The following RARB variants were observed in gnomAD, a reference collection of about 807,000 sequenced individuals.
The protein encoded by RARB is retinoic acid receptor beta.
RARB carries 17 observed loss-of-function variants against 51.9 expected under a neutral mutation model. The observed-to-expected ratio is 0.33, with a 90% CI of 0.22 to 0.49. The LOEUF is 0.49. RARB is among the 20% of genes least tolerant of loss of function. RARB has a pLI of 0.99. For synonymous variants in RARB, 215 were observed against 195.4 expected (o/e 1.10, Z -0.84); for missense variants, 369 against 550.8 (o/e 0.67, Z 3.30).
At chr3:25,205,340 A>G (rs1701511207) in intron 5 of RARB, among the ~76,000 whole-genome samples, 1 of 152,068 alleles carries the variant, frequency 6.6e-6, no homozygotes, top group Non-Finnish European at 1.5e-5. Flanking sequence ...TTCCTTGGCT[A>G]GGAAAGGGAA....
intron 5 of RARB, among the ~76,000 whole-genome samples, chr3:25,414,554 A>G (rs1018613210): frequency 1.3e-5 from 2 of 152,188 alleles, no homozygotes; most frequent in Admixed American, 6.5e-5. Context: ...TTTCTCCACA[A>G]TCACAGCAAT....
At chr3:25,230,951 G>GT (rs1442924031) in intron 5 of RARB, among the ~76,000 whole-genome samples, 3 of 151,976 alleles carry the variant, frequency 2.0e-5, no homozygotes, top group Admixed American at 1.3e-4. Context: ...TTCATTTTTT[G>GT]TTTTTTGTTA....
intron 2 of RARB, among the ~76,000 whole-genome samples, chr3:24,993,581 TC>T (rs1341876311): frequency 6.6e-6 from 1 of 152,152 alleles, no homozygotes; most frequent in African/African-American, 2.4e-5. Context: ...ACTATAGTCT[TC>T]TTACAGTGGT....
At chr3:25,361,178 G>A (rs370619201) in intron 5 of RARB, among the ~76,000 whole-genome samples, 36 of 151,888 alleles carry the variant, frequency 2.4e-4, no homozygotes, top group African/African-American at 6.3e-4. Context: ...TGTTCCTTCC[G>A]TTTCATTCTT....
At chr3:25,014,979 T>A (rs1017140715) in intron 2 of RARB, among the ~76,000 whole-genome samples, 2 of 152,316 alleles carry the variant, frequency 1.3e-5, no homozygotes, top group Non-Finnish European at 2.9e-5. Flanking sequence ...TTTTTGTATT[T>A]CTTTAACTGT....
At chr3:25,000,067 G>A (rs1040714535) in intron 2 of RARB, among the ~76,000 whole-genome samples, 3 of 152,030 alleles carry the variant, frequency 2.0e-5, no homozygotes, top group East Asian at 1.9e-4. Flanking sequence ...ACAGAGCTCC[G>A]GCTTCAATCA....
chr3:25,280,887 G>A (rs970593946), intron 5 of RARB, among the ~76,000 whole-genome samples: 4 of 152,030 alleles, frequency 2.6e-5, no homozygotes, highest in Non-Finnish European at 4.4e-5. Flanking sequence ...TCTTGGTCTC[G>A]GAGTGGGTTT....
chr3:24,994,650 T>C (rs74972630), intron 2 of RARB, among the ~76,000 whole-genome samples: 17,137 of 152,054 alleles, frequency 0.11, 2,744 homozygotes, highest in African/African-American at 0.35. Flanking sequence ...AGGTATTTGG[T>C]CTATTGTGAG....
chr3:24,897,951 G>A (rs1261334881), intron 2 of RARB, among the ~76,000 whole-genome samples: 1 of 152,160 alleles, frequency 6.6e-6, no homozygotes. Context: ...GCATCTCGTG[G>A]AAGTGGGAGA....
rs148768747 is a variant in RARB at position 25,197,022 on chromosome 3, G to C, written c.178+22447G>C. Among the ~76,000 whole-genome samples the C allele has an allele frequency of 6.9e-3, 1,049 of 152,186 alleles. 12 individuals are homozygous for C. Among genetic ancestry groups the C allele is most frequent in the Middle Eastern group, 0.02 (6 of 294 alleles). On this transcript the variant is annotated intron_variant, in intron 5 of 11. Transcript: ENST00000383772. ...TTTTCTCCCATTCTGTAGGTTGCCT[G>C]TTCACTCTCATGGTAGTTTCTTTTG...
At chr3:24,894,843 C>T (rs1445038150) in intron 2 of RARB, among the ~76,000 whole-genome samples, 1 of 151,948 alleles carries the variant, frequency 6.6e-6, no homozygotes, top group Non-Finnish European at 1.5e-5. Context: ...GACCATTATC[C>T]AATGTGAGCA....
chr3:25,517,821 T>G (rs894792531), intron 3 of RARB, among the ~76,000 whole-genome samples: 7 of 152,170 alleles, frequency 4.6e-5, no homozygotes, highest in African/African-American at 1.7e-4. Context: ...TAAAAAGGAA[T>G]GAAATATTGA....
intron 5 of RARB, among the ~76,000 whole-genome samples, chr3:25,252,605 C>T (rs1559332595): frequency 6.6e-6 from 1 of 152,094 alleles, no homozygotes; most frequent in Non-Finnish European, 1.5e-5. Flanking sequence ...GTTTTGGTTG[C>T]TATTACAGTC....
intron 3 of RARB, among the ~76,000 whole-genome samples, chr3:25,083,490 C>A (rs1699048834): frequency 6.6e-6 from 1 of 151,880 alleles, no homozygotes; most frequent in African/African-American, 2.4e-5. Context: ...TTTCATTTGG[C>A]TCTCTTATAG....
chr3:24,953,859 C>G (rs960238354), intron 2 of RARB, among the ~76,000 whole-genome samples: 2 of 152,160 alleles, frequency 1.3e-5, no homozygotes, highest in African/African-American at 4.8e-5. Flanking sequence ...GGTTAACTTT[C>G]TTCAAAGGCT....
At chr3:25,160,486 C>G (rs371790823) in intron 4 of RARB, among the ~76,000 whole-genome samples, 2 of 152,278 alleles carry the variant, frequency 1.3e-5, no homozygotes, top group East Asian at 1.9e-4. Flanking sequence ...TCAAGTTTCT[C>G]TCACTACCCA....
At chr3:25,193,356 TA>T (rs1229400839) in intron 5 of RARB, among the ~76,000 whole-genome samples, 1 of 151,988 alleles carries the variant, frequency 6.6e-6, no homozygotes. Flanking sequence ...GGAAGTCTGT[TA>T]AAAAAATTAA....
chr3:24,989,457 A>G (rs1331312635), intron 2 of RARB, among the ~76,000 whole-genome samples: 1 of 113,814 alleles, frequency 8.8e-6, no homozygotes, highest in East Asian at 2.8e-4. Flanking sequence ...CCCACCAGCA[A>G]TATACTCGAG....
intron 5 of RARB, among the ~76,000 whole-genome samples, chr3:25,395,737 C>G (rs771661536): frequency 2.6e-5 from 4 of 151,626 alleles, no homozygotes; most frequent in Non-Finnish European, 4.4e-5. Context: ...CTATCTATTT[C>G]TCTGGAGATT....
Sources: gnomAD v4.1 joint callset for allele counts (sites outside exome capture counted in the v4.1 genomes callset) on GRCh38, gnomAD v4.1.1 for gene constraint, MANE v1.5 for transcripts, NCBI Gene and HGNC (gene_info 2026-07-23, HGNC 2026-07-21) for gene names.